NOP9: variants seen among roughly 807,000 people sequenced by gnomAD.
NOP9 encodes the protein nucleolar protein 9.
Under a neutral mutation model 63.0 loss-of-function variants are expected in NOP9, and 50 were observed. That is an observed-to-expected ratio of 0.79 (90% CI 0.63 to 1.00). The LOEUF is 1.00. Ranked by LOEUF, NOP9 falls within the 50% of genes least tolerant of loss-of-function variation. The pLI is 0.00. For missense variants in NOP9, 758 were observed against 803.0 expected, an observed-to-expected ratio of 0.94 and a Z score of 0.68; for synonymous variants, 343 against 332.8, an observed-to-expected ratio of 1.03 and a Z score of -0.33.
chr14:24,308,161 G>A lies in NOP9; in HGVS notation c.*3066G>A, dbSNP rs770040041. ...GAGGGTAGATGGGAACCATGTAAAAGGATGAAATGTGACTTCTGGTGTTTT... is the reference window on the plus strand; with the variant it reads ...GAGGGTAGATGGGAACCATGTAAAAAGATGAAATGTGACTTCTGGTGTTTT... On this transcript the variant is annotated 3_prime_UTR_variant, in exon 10 of 10. Transcript: ENST00000267425. 1.4e-4 allele frequency: 60 copies of A among 435,578 alleles called. No homozygotes were observed. Among genetic ancestry groups the A allele is most frequent in the Non-Finnish European group, 2.2e-4 (52 of 238,938 alleles). 27.0% of individuals were successfully genotyped at this position (435,578 alleles called of 1,614,324 possible). A position where few individuals can be genotyped will look rare whatever the true frequency, so the allele number is the denominator to read the frequency against.
Position 24,301,725 on chromosome 14 carries a change from A to T in NOP9, c.808+3A>T. The T allele has an allele frequency of 6.2e-7, 1 of 1,613,954 alleles. No homozygotes were observed. The highest frequency in any genetic ancestry group is 1.3e-5 in the African/African-American group (1 of 75,020). On this transcript the variant is annotated splice_donor_region_variant and intron_variant, in intron 3 of 9. Coordinates refer to ENST00000267425, the MANE Select transcript of NOP9 (RefSeq NM_174913.3). ...CTCCTTTCTGAAGGACATTGCAGGT[A>T]AGGAGGGAAGTAGGAGGATGGTCTC...
At chr14:24,296,510 T>G (rs1230416388), upstream of NOP9, 3 of 1,614,058 alleles carry the variant, frequency 1.9e-6, no homozygotes, top group African/African-American at 2.7e-5. Flanking sequence ...AGCACCCACC[T>G]GAGTCCGACG....
the NOP9 span, among the ~76,000 whole-genome samples, chr14:24,284,759 G>C: frequency 1.3e-5 from 2 of 152,272 alleles, no homozygotes; most frequent in African/African-American, 4.8e-5. Context: ...GGCCTTTGGC[G>C]GTCGTGGGTG....
At chr14:24,272,991 A>C in the NOP9 span, among the ~76,000 whole-genome samples, 4 of 152,102 alleles carry the variant, frequency 2.6e-5, no homozygotes, top group Non-Finnish European at 4.4e-5. Flanking sequence ...ACTTTTAAAG[A>C]CTGTGATTTT....
At chr14:24,292,231 C>T in the NOP9 span, 47 of 1,614,200 alleles carry the variant, frequency 2.9e-5, no homozygotes, top group African/African-American at 4.7e-4. Context: ...GCCATATGCT[C>T]CTTCAGCAGT....
the NOP9 span, among the ~76,000 whole-genome samples, chr14:24,277,631 G>A: frequency 2.5e-3 from 386 of 152,344 alleles, no homozygotes; most frequent in African/African-American, 8.9e-3. Flanking sequence ...TCTGCCCGAG[G>A]CCGCACAGCC....
chr14:24,277,380 G>A, the NOP9 span, among the ~76,000 whole-genome samples: 46 of 152,202 alleles, frequency 3.0e-4, 1 homozygote, highest in Admixed American at 3.0e-3. Flanking sequence ...TGCGCAGGTA[G>A]TCATTACACC....
chr14:24,288,471 TCC>T, the NOP9 span, among the ~76,000 whole-genome samples: 1 of 152,084 alleles, frequency 6.6e-6, no homozygotes, highest in Non-Finnish European at 1.5e-5. Context: ...TGCCTCAGCC[TCC>T]CGAGTAGCTG....
rs967728951 is a variant in NOP9 at position 24,307,197 on chromosome 14, G to C, written c.*2102G>C. 1.6e-6 allele frequency: 1 copy of C among 636,610 alleles called. No homozygotes were observed. Among genetic ancestry groups the C allele is most frequent in the Non-Finnish European group, 2.6e-6 (1 of 379,906 alleles). 39.4% of individuals were successfully genotyped at this position (636,610 alleles called of 1,614,324 possible). A position where few individuals can be genotyped will look rare whatever the true frequency, so the allele number is the denominator to read the frequency against. On this transcript the variant is annotated 3_prime_UTR_variant, in exon 10 of 10. Transcript: ENST00000267425. ...CTGCTCCCATAGAAAAGCTCACTCGGTGGAAAATGAACAAATTGACCAGAG... is the reference window on the plus strand; with the variant it reads ...CTGCTCCCATAGAAAAGCTCACTCGCTGGAAAATGAACAAATTGACCAGAG...
chr14:24,307,957 A>C lies in NOP9; in HGVS notation c.*2862A>C. ...TTTTCTGTTACAAACCTGGGATCTC[A>C]GCCCAGGACAAGGTGGGAATGAGTC... On this transcript the variant is annotated 3_prime_UTR_variant, in exon 10 of 10. Coordinates refer to ENST00000267425, the MANE Select transcript of NOP9 (RefSeq NM_174913.3). 12 of 1,124,764 alleles carry C rather than the reference A, an allele frequency of 1.1e-5. No homozygotes were observed. Among genetic ancestry groups the C allele is most frequent in the Admixed American group, 2.0e-5 (1 of 50,174 alleles). 69.7% of individuals were successfully genotyped at this position (1,124,764 alleles called of 1,614,324 possible). A position where few individuals can be genotyped will look rare whatever the true frequency, so the allele number is the denominator to read the frequency against.
intron 3 of NOP9, 24 bp downstream of exon 3, chr14:24,301,746 G>A (rs1401846580): frequency 6.2e-7 from 1 of 1,611,584 alleles, no homozygotes; most frequent in Non-Finnish European, 8.5e-7. Flanking sequence ...TAGGAGGATG[G>A]TCTCGTATCT....
chr14:24,303,008 A>G lies in NOP9; in HGVS notation c.1144-66A>G, dbSNP rs916826431. 5.5e-6 allele frequency: 8 copies of G among 1,458,644 alleles called. No individual in the cohort carries two copies. In the African/African-American group the frequency reaches 8.8e-5, roughly 16 times the overall value. The allele number at this position is 1,458,644 out of a possible 1,614,324, so 90.4% of individuals were successfully genotyped here. On this transcript the variant is annotated intron_variant, in intron 5 of 9. Coordinates refer to ENST00000267425, the MANE Select transcript of NOP9 (RefSeq NM_174913.3). The stretch of plus-strand genomic sequence containing the variant: ...ATTTTTAGTTGTTTTCGTTGGGAAG[A>G]TTTCTCTGAATAATGTGGTCCGCCA...
chr14:24,282,006 G>C, the NOP9 span, among the ~76,000 whole-genome samples: 1 of 152,184 alleles, frequency 6.6e-6, no homozygotes, highest in South Asian at 2.1e-4. Context: ...CCAGGAGCTT[G>C]AGACCAGCCT....
At chr14:24,290,610 T>C in the NOP9 span, 52 of 451,348 alleles carry the variant, frequency 1.2e-4, no homozygotes, top group Non-Finnish European at 1.9e-4. Context: ...GAAAGAGAAA[T>C]GAGACTTTTA....
chr14:24,299,717 G>A, upstream of NOP9: 1 of 507,594 alleles, frequency 2.0e-6, no homozygotes, highest in Non-Finnish European at 3.5e-6. Flanking sequence ...GCGATTCTGT[G>A]CTGAGGTAGA....
rs1415928691 is a variant in NOP9, at chr14:24,307,022, CTG to C, written c.*1928_*1929del. Reference sequence around the variant, plus strand: ...TATTGCCTTTTTATAGTTGAAGAAACTGAGGTTTTGGTAGGTTGAACAACTTC... The same window carrying C: ...TATTGCCTTTTTATAGTTGAAGAAACAGGTTTTGGTAGGTTGAACAACTTC... On this transcript the variant is annotated 3_prime_UTR_variant, in exon 10 of 10. Transcript: ENST00000267425. The C allele has an allele frequency of 3.9e-6, 1 of 258,492 alleles. No homozygotes were observed. The highest frequency in any genetic ancestry group is 2.2e-5 in the African/African-American group (1 of 45,002). The allele number at this position is 258,492 out of a possible 1,614,324, so 16.0% of individuals were successfully genotyped here. A position where few individuals can be genotyped will look rare whatever the true frequency, so the allele number is the denominator to read the frequency against.
upstream of NOP9, chr14:24,296,856 A>G (rs550934874): frequency 3.7e-6 from 6 of 1,614,226 alleles, no homozygotes; most frequent in South Asian, 6.6e-5. Context: ...CACCACAGGC[A>G]CACATTGGCC....
At chr14:24,301,081 C>T (rs892782331) in intron 2 of NOP9, among the ~76,000 whole-genome samples, 1 of 151,992 alleles carries the variant, frequency 6.6e-6, no homozygotes, top group African/African-American at 2.4e-5. Flanking sequence ...TTAGAATGGA[C>T]GCAGGAGGAG....
At chr14:24,273,398 C>CA in the NOP9 span, among the ~76,000 whole-genome samples, 2 of 152,176 alleles carry the variant, frequency 1.3e-5, no homozygotes, top group Middle Eastern at 3.2e-3. Flanking sequence ...AGGCTGGTCT[C>CA]AAACTCCTGA....
Sources: gnomAD v4.1 joint callset for allele counts (sites outside exome capture counted in the v4.1 genomes callset) on GRCh38, gnomAD v4.1.1 for gene constraint, MANE v1.5 for transcripts, NCBI Gene and HGNC (gene_info 2026-07-23, HGNC 2026-07-21) for gene names.